Variants in EYS observed in about 807,000 individuals in gnomAD.
EYS encodes the protein protein eyes shut homolog.
EYS carries 250 observed loss-of-function variants against 282.1 expected under a neutral mutation model. The ratio of observed to expected loss-of-function variants is 0.89; its 90% CI spans 0.80 to 0.98. The LOEUF (loss-of-function observed/expected upper bound fraction) is 0.98. EYS is among the 50% of genes least tolerant of loss of function. The pLI is 0.00. For synonymous variants in EYS, 1,355 were observed against 1,282.9 expected, an observed-to-expected ratio of 1.06 and a Z score of -1.20; for missense variants, 4,016 against 3,709.0, an observed-to-expected ratio of 1.08 and a Z score of -2.15.
At chr6:65,375,313 C>T in intron 8 of EYS, among the ~76,000 whole-genome samples, 1 of 152,124 alleles carries the variant, frequency 6.6e-6, no homozygotes, top group East Asian at 1.9e-4. Context: ...AGAAGAAAAA[C>T]CAACAAACAG....
At position 65,291,398 on chromosome 6, in the gene EYS, C is replaced by T. The variant is rs1032682530; in HGVS notation, c.2023+4465G>A. 1.1e-4 allele frequency among the ~76,000 whole-genome samples: 16 copies of T among 151,450 alleles called. No homozygotes were observed. In the Admixed American group the frequency reaches 1.1e-3, roughly 10 times the overall value. On this transcript the variant is annotated intron_variant, in intron 12 of 42. Transcript: ENST00000503581. ...TGGTTGTACCAAATCAACAACCACT[C>T]ACATGTTTTTTTTGATTTAGCAATT...
At chr6:64,986,545 C>G (rs527538850) in intron 14 of EYS, among the ~76,000 whole-genome samples, 1 of 150,238 alleles carries the variant, frequency 6.7e-6, no homozygotes, top group South Asian at 2.1e-4. Flanking sequence ...TGCAATGTTT[C>G]CCAGATATCT....
chr6:64,643,120 C>CCA (rs1554188086), intron 22 of EYS, among the ~76,000 whole-genome samples: 1 of 49,284 alleles, frequency 2.0e-5, no homozygotes, highest in Non-Finnish European at 4.0e-5. Context: ...CATCCCCCCC[C>CCA]CCAAAAAAAA....
chr6:64,534,650 T>A (rs927855225), intron 26 of EYS, among the ~76,000 whole-genome samples: 1 of 152,172 alleles, frequency 6.6e-6, no homozygotes, highest in African/African-American at 2.4e-5. Context: ...TGAAAATACT[T>A]TTTTCATCTG....
At chr6:65,230,340 G>A (rs2788907) in intron 12 of EYS, among the ~76,000 whole-genome samples, 101,043 of 151,616 alleles carry the variant, frequency 0.67, 34,948 homozygotes, top group East Asian at 0.89. Context: ...GAATAGCAGA[G>A]CATCCAGAAT....
chr6:64,395,903 TCATATATTTATATTGAATTATGGCATA>T (rs1427287289), intron 28 of EYS, among the ~76,000 whole-genome samples: 2 of 152,134 alleles, frequency 1.3e-5, no homozygotes, highest in African/African-American at 4.8e-5. Flanking sequence ...ATTCTGGTTT[TCATATATTTATATTGAATTATGGCATA>T]CATAATAAAG....
chr6:64,257,931 T>C (rs3930877), intron 30 of EYS, among the ~76,000 whole-genome samples: 104,036 of 151,402 alleles, frequency 0.69, 35,750 homozygotes, highest in South Asian at 0.71. Flanking sequence ...TTACATCACA[T>C]AGAAAGGATT....
rs888496995 is a variant in EYS at position 64,557,359 on chromosome 6, C to T, written c.5644+32864G>A. 4.0e-5 allele frequency among the ~76,000 whole-genome samples: 6 copies of T among 151,788 alleles called. No homozygotes were observed. The East Asian group carries it at 5.8e-4, about 15-fold the overall frequency. On this transcript the variant is annotated intron_variant, in intron 26 of 42. Coordinates refer to ENST00000503581, the MANE Select transcript of EYS (RefSeq NM_001142800.2). ...GGGCATATTTGTATATTTTTAAACT[C>T]CATTCAAGATTTATTTGGTTCTTTT... is the stretch of plus-strand genomic sequence containing the variant.
chr6:64,399,850 G>A (rs2150435357), intron 28 of EYS, among the ~76,000 whole-genome samples: 1 of 151,972 alleles, frequency 6.6e-6, no homozygotes, highest in Middle Eastern at 3.4e-3. Context: ...TGCTGATGGA[G>A]TATAAAATCT....
In EYS at chr6:64,602,976, A is replaced by C. The variant is rs1766808270; in HGVS notation, c.3685-9667T>G. ...TGCTTAGCAAGTCACTAGAGGAAAAATGCAAGCTGGTAGAAGAATAGGTCC... is the reference window on the plus strand; with the variant it reads ...TGCTTAGCAAGTCACTAGAGGAAAACTGCAAGCTGGTAGAAGAATAGGTCC... On this transcript the variant is annotated intron_variant, in intron 24 of 42. Coordinates refer to ENST00000503581, the MANE Select transcript of EYS (RefSeq NM_001142800.2). Among the ~76,000 whole-genome samples the C allele has an allele frequency of 5.9e-5, 9 of 152,086 alleles. No homozygotes were observed. In the South Asian group the frequency reaches 1.9e-3, roughly 32 times the overall value.
At chr6:64,423,494 G>A (rs1167558982) in intron 28 of EYS, among the ~76,000 whole-genome samples, 2 of 152,226 alleles carry the variant, frequency 1.3e-5, no homozygotes, top group Non-Finnish European at 2.9e-5. Flanking sequence ...TTATAGAATC[G>A]TCATGCCTCT....
At chr6:65,238,377 A>C (rs765852071) in intron 12 of EYS, among the ~76,000 whole-genome samples, 2 of 151,736 alleles carry the variant, frequency 1.3e-5, no homozygotes, top group Non-Finnish European at 2.9e-5. Flanking sequence ...AGAAGAAATA[A>C]TCCAAAGCAT....
intron 14 of EYS, among the ~76,000 whole-genome samples, chr6:64,949,424 C>T (rs922778777): frequency 6.6e-6 from 1 of 151,762 alleles, no homozygotes; most frequent in African/African-American, 2.4e-5. Context: ...CTACTCTCAG[C>T]GTTTAGAAGG....
intron 2 of EYS, among the ~76,000 whole-genome samples, chr6:65,520,652 G>T (rs964667965): frequency 1.3e-5 from 2 of 151,362 alleles, no homozygotes; most frequent in Admixed American, 6.6e-5. Context: ...ATATATCAGA[G>T]GAATATAATG....
intron 26 of EYS, among the ~76,000 whole-genome samples, chr6:64,524,228 T>A (rs1562040820): frequency 6.6e-6 from 1 of 151,746 alleles, no homozygotes; most frequent in African/African-American, 2.4e-5. Flanking sequence ...GCCATGATGA[T>A]CTTAATTTTT....
At chr6:64,253,132 CA>C (rs1332185270) in intron 30 of EYS, among the ~76,000 whole-genome samples, 1 of 152,046 alleles carries the variant, frequency 6.6e-6, no homozygotes, top group Non-Finnish European at 1.5e-5. Context: ...CTGGAAATAT[CA>C]ATATTCCTTG....
chr6:65,659,935 AC>A (rs1767948696), intron 1 of EYS, among the ~76,000 whole-genome samples: 2 of 151,674 alleles, frequency 1.3e-5, no homozygotes, highest in African/African-American at 2.4e-5. Context: ...TTGGAAGTCC[AC>A]CCCTAAGTAT....
chr6:65,022,885 T>A (rs78426338), intron 13 of EYS, among the ~76,000 whole-genome samples: 11,781 of 151,942 alleles, frequency 0.078, 582 homozygotes, highest in African/African-American at 0.14. Flanking sequence ...TATCAAGGTT[T>A]TTATATACTA....
chr6:65,624,493 T>C (rs1239084208), intron 2 of EYS, among the ~76,000 whole-genome samples: 2 of 152,170 alleles, frequency 1.3e-5, no homozygotes, highest in African/African-American at 4.8e-5. Flanking sequence ...ATATTGAGTG[T>C]CAGCTTGATT....
Sources: gnomAD v4.1 joint callset for allele counts (sites outside exome capture counted in the v4.1 genomes callset) on GRCh38, gnomAD v4.1.1 for gene constraint, MANE v1.5 for transcripts, NCBI Gene and HGNC (gene_info 2026-07-23, HGNC 2026-07-21) for gene names.